Variants in WDFY1 observed in about 807,000 individuals in gnomAD.
WDFY1 encodes the protein WD repeat and FYVE domain-containing protein 1.
In WDFY1, 32 loss-of-function variants were observed where a neutral mutation model predicts 56.4. The observed-to-expected ratio is 0.57, with a 90% CI of 0.43 to 0.76. The LOEUF is 0.76. Ranked by LOEUF, WDFY1 falls within the 30% of genes least tolerant of loss-of-function variation. The probability of loss-of-function intolerance (pLI) is 0.00; values close to 1 mark genes in which losing one functional copy is unlikely to be tolerated. For synonymous variants in WDFY1, 192 were observed against 197.3 expected (o/e 0.97, Z 0.23); for missense variants, 480 against 545.7 (o/e 0.88, Z 1.20).
rs1265846919 is a variant in WDFY1, at chr2:223,897,369, TATATA to T, written c.598+1584_598+1588del. Among the ~76,000 whole-genome samples, 96 of 66,102 alleles carry T rather than the reference TATATA, an allele frequency of 1.5e-3. 4 individuals carry two copies. The highest frequency in any genetic ancestry group is 2.0e-3 in the African/African-American group (28 of 14,092). The allele number at this position is 66,102 out of a possible 152,430, so 43.4% of individuals were successfully genotyped here. A position where few individuals can be genotyped will look rare whatever the true frequency, so the allele number is the denominator to read the frequency against. On this transcript the variant is annotated intron_variant, in intron 6 of 11. Transcript: ENST00000233055. ...AATTTCGCATATATATATATATATA[TATATA>T]TATATATATATATATATTTTTTAAG...
chr2:223,897,928 C>T (rs774639396), intron 6 of WDFY1, among the ~76,000 whole-genome samples: 2 of 152,098 alleles, frequency 1.3e-5, no homozygotes, highest in Non-Finnish European at 2.9e-5. Flanking sequence ...CTTCCTAAGG[C>T]CCTCACCAGA....
intron 6 of WDFY1, among the ~76,000 whole-genome samples, chr2:223,897,371 TATATA>T (rs1310007550): frequency 0.016 from 1,073 of 65,280 alleles, 52 homozygotes; most frequent in Non-Finnish European, 0.021. Context: ...TATATATATA[TATATA>T]TATATATATA....
intron 3 of WDFY1, among the ~76,000 whole-genome samples, chr2:223,909,641 G>A (rs549838633): frequency 2.0e-5 from 3 of 152,122 alleles, no homozygotes; most frequent in South Asian, 2.1e-4. Context: ...CCTTCTCAGC[G>A]AACAATACTA....
chr2:223,910,347 C>G (rs1039144655), intron 3 of WDFY1, among the ~76,000 whole-genome samples: 8 of 150,502 alleles, frequency 5.3e-5, no homozygotes, highest in Non-Finnish European at 1.2e-4. Context: ...CCTATCTTTA[C>G]AGATATAAAT....
chr2:223,932,290 T>C lies in WDFY1; in HGVS notation c.137+12858A>G, dbSNP rs544034549. Among the ~76,000 whole-genome samples the C allele has an allele frequency of 2.0e-3, 299 of 151,900 alleles. 1 individual carries two copies. Among genetic ancestry groups the C allele is most frequent in the Middle Eastern group, 0.01 (3 of 294 alleles). ...GGTGCCTGCCACCACGCCTGGCTAA[T>C]TTTTTGTATTTTTAGTAGAGACAGG... is the stretch of plus-strand genomic sequence containing the variant. On this transcript the variant is annotated intron_variant, in intron 1 of 11. Coordinates refer to ENST00000233055, the MANE Select transcript of WDFY1 (RefSeq NM_020830.5).
In WDFY1 at chr2:223,931,835, A is replaced by T. The variant is rs192344756; in HGVS notation, c.137+13313T>A. ...CAAGTAGCTGGGACTACAGGCATGCACTACCACACCCAGCTAATTTTTGTA... is the reference window on the plus strand; with the variant it reads ...CAAGTAGCTGGGACTACAGGCATGCTCTACCACACCCAGCTAATTTTTGTA... On this transcript the variant is annotated intron_variant, in intron 1 of 11. Transcript: ENST00000233055. Among the ~76,000 whole-genome samples, 14 of 151,870 alleles carry T rather than the reference A, an allele frequency of 9.2e-5. No individual in the cohort carries two copies. The East Asian group carries it at 2.7e-3, about 30-fold the overall frequency.
intron 1 of WDFY1, 28 bp downstream of exon 1, chr2:223,945,120 G>C: frequency 6.4e-7 from 1 of 1,564,874 alleles, no homozygotes; most frequent in African/African-American, 1.4e-5. Flanking sequence ...GCGGAGTTCG[G>C]GCCGCCCCGG....
chr2:223,894,601 A>G (rs1693329848), intron 7 of WDFY1: 1 of 460,530 alleles, frequency 2.2e-6, no homozygotes, highest in Non-Finnish European at 4.0e-6. Context: ...GATGAGGGCT[A>G]TGGTTTTTGG....
chr2:223,930,563 T>A (rs909452856), intron 1 of WDFY1, among the ~76,000 whole-genome samples: 2 of 152,218 alleles, frequency 1.3e-5, no homozygotes, highest in Admixed American at 1.3e-4. Context: ...ATTCCTGACC[T>A]CACGTGATCC....
At chr2:223,908,609 T>C (rs1693641298) in intron 3 of WDFY1, among the ~76,000 whole-genome samples, 1 of 152,182 alleles carries the variant, frequency 6.6e-6, no homozygotes, top group African/African-American at 2.4e-5. Flanking sequence ...TCCCTAGGAA[T>C]GTGACCTTGG....
At chr2:223,932,520 G>A (rs905998318) in intron 1 of WDFY1, among the ~76,000 whole-genome samples, 2 of 152,084 alleles carry the variant, frequency 1.3e-5, no homozygotes, top group Non-Finnish European at 2.9e-5. Flanking sequence ...GCCTGAAACA[G>A]CAATATCTCT....
chr2:223,882,088 G>A lies in WDFY1; in HGVS notation c.934-16C>T, dbSNP rs1693083089. The stretch of plus-strand genomic sequence containing the variant: ...TGCAGTGATGCTTCACAGGTGACCG[G>A]GAGGAGGAAAACAGGGTGTTAGCTT... On this transcript the variant is annotated splice_polypyrimidine_tract_variant and intron_variant, in intron 9 of 11. Transcript: ENST00000233055. The A allele has an allele frequency of 6.2e-7, 1 of 1,610,310 alleles. No homozygotes were observed. The highest frequency in any genetic ancestry group is 1.7e-5 in the Admixed American group (1 of 59,646).
chr2:223,934,655 G>C (rs1291238059), intron 1 of WDFY1, among the ~76,000 whole-genome samples: 1 of 151,972 alleles, frequency 6.6e-6, no homozygotes, highest in Non-Finnish European at 1.5e-5. Flanking sequence ...CCAGTAGCTG[G>C]GATTACAGGC....
intron 6 of WDFY1, among the ~76,000 whole-genome samples, 194 bp downstream of exon 6, chr2:223,898,764 G>A (rs974406130): frequency 6.6e-6 from 1 of 152,064 alleles, no homozygotes; most frequent in Non-Finnish European, 1.5e-5. Context: ...CAATTTAGAA[G>A]GGATTTCGAC....
chr2:223,930,956 G>A (rs1281728135), intron 1 of WDFY1, among the ~76,000 whole-genome samples: 1 of 152,246 alleles, frequency 6.6e-6, no homozygotes, highest in Non-Finnish European at 1.5e-5. Context: ...TAGGTGACCT[G>A]TAGGCTCATG....
chr2:223,939,898 G>C (rs200194366), intron 1 of WDFY1, among the ~76,000 whole-genome samples: 1 of 152,166 alleles, frequency 6.6e-6, no homozygotes. Context: ...AGAACCACTG[G>C]CCTAGATTTT....
intron 1 of WDFY1, among the ~76,000 whole-genome samples, chr2:223,922,221 G>A (rs1693899106): frequency 6.6e-6 from 1 of 152,190 alleles, no homozygotes; most frequent in East Asian, 1.9e-4. Context: ...CAGATCACAG[G>A]ATGGATGCCA....
At chr2:223,927,402 G>T (rs1694001778) in intron 1 of WDFY1, among the ~76,000 whole-genome samples, 1 of 152,198 alleles carries the variant, frequency 6.6e-6, no homozygotes, top group Non-Finnish European at 1.5e-5. Flanking sequence ...ATTAGCACTT[G>T]ATGCTTCACT....
intron 11 of WDFY1, 79 bp from the exon 12 acceptor site, chr2:223,878,809 C>T (rs1220298739): frequency 1.3e-5 from 20 of 1,521,058 alleles, no homozygotes; most frequent in African/African-American, 9.6e-5. Flanking sequence ...GACAAACAAA[C>T]GACTGTTAAA....
Sources: gnomAD v4.1 joint callset for allele counts (sites outside exome capture counted in the v4.1 genomes callset) on GRCh38, gnomAD v4.1.1 for gene constraint, MANE v1.5 for transcripts, NCBI Gene and HGNC (gene_info 2026-07-23, HGNC 2026-07-21) for gene names.